PAPPA: variants seen among roughly 807,000 people sequenced by gnomAD.
The protein encoded by PAPPA is pappalysin 1, also known as pappalysin-1.
In PAPPA, 60 loss-of-function variants were observed where a neutral mutation model predicts 164.0. That is an observed-to-expected ratio of 0.37 (90% confidence interval 0.30 to 0.45). The LOEUF (loss-of-function observed/expected upper bound fraction) is 0.45, where lower values mean the gene tolerates loss of function less well. Among genes scored for constraint, PAPPA ranks in the 20% least tolerant of loss-of-function variants. The pLI is 1.00. For synonymous variants in PAPPA, 875 were observed against 814.1 expected, an observed-to-expected ratio of 1.07 and a Z score of -1.27; for missense variants, 1,782 against 2,087.3, an observed-to-expected ratio of 0.85 and a Z score of 2.85.
chr9:116,283,059 C>G (rs1458729714), intron 9 of PAPPA, among the ~76,000 whole-genome samples: 1 of 152,180 alleles, frequency 6.6e-6, no homozygotes, highest in African/African-American at 2.4e-5. Flanking sequence ...GCCTGTCACT[C>G]TGCCCTCATG....
intron 9 of PAPPA, among the ~76,000 whole-genome samples, chr9:116,281,270 G>T (rs937298309): frequency 2.6e-5 from 4 of 152,096 alleles, no homozygotes; most frequent in Non-Finnish European, 4.4e-5. Flanking sequence ...GCGGGTAAAA[G>T]TATAGCCAGT....
chr9:116,312,288 C>CTTTTTTTTTTTT (rs5900201), intron 10 of PAPPA, among the ~76,000 whole-genome samples: 287 of 129,450 alleles, frequency 2.2e-3, no homozygotes, highest in Non-Finnish European at 2.8e-3. Context: ...TTCTTTCTTT[C>CTTTTTTTTTTTT]TTTTTTTTTT....
At chr9:116,301,186 G>A (rs1845575430) in intron 9 of PAPPA, among the ~76,000 whole-genome samples, 1 of 152,090 alleles carries the variant, frequency 6.6e-6, no homozygotes. Context: ...GAGAAATTCA[G>A]ATTTTCCCAG....
At chr9:116,231,660 CGGATGGATGGATGGATGGAT>C (rs199915317) in intron 6 of PAPPA, among the ~76,000 whole-genome samples, 1,646 of 143,262 alleles carry the variant, frequency 0.011, 15 homozygotes, top group Non-Finnish European at 0.018. Context: ...AATGAATGGG[CGGATGGATGGATGGATGGAT>C]GGATGGATGG....
At chr9:116,390,081 ACTG>A (rs1846870902) in intron 21 of PAPPA, among the ~76,000 whole-genome samples, 1 of 152,144 alleles carries the variant, frequency 6.6e-6, no homozygotes, top group Non-Finnish European at 1.5e-5. Flanking sequence ...TGTGACAGAT[ACTG>A]TACTAGGCCA....
intron 6 of PAPPA, among the ~76,000 whole-genome samples, chr9:116,227,864 C>G (rs1213308333): frequency 6.6e-6 from 1 of 152,018 alleles, no homozygotes; most frequent in East Asian, 1.9e-4. Flanking sequence ...TCCTTCAGAC[C>G]CCAACTGCTT....
In PAPPA at chr9:116,211,621, C is replaced by A; in HGVS notation, c.1625-18C>A. 1 of 1,609,118 alleles carries A rather than the reference C, an allele frequency of 6.2e-7. No individual in the cohort carries two copies. The highest frequency in any genetic ancestry group is 8.5e-7 in the Non-Finnish European group (1 of 1,175,902). ...CAGAGTACCTAGTTTGCCTGATTCT[C>A]TGGATTTCCCCTTACAGGTGGCATT... On this transcript the variant is annotated intron_variant, in intron 3 of 21. Coordinates refer to ENST00000328252, the MANE Select transcript of PAPPA (RefSeq NM_002581.5).
chr9:116,230,571 A>G (rs1186362192), intron 6 of PAPPA, among the ~76,000 whole-genome samples: 1 of 152,192 alleles, frequency 6.6e-6, no homozygotes, highest in African/African-American at 2.4e-5. Flanking sequence ...TAGCTCTAAT[A>G]TTGCATGGAG....
Position 116,283,978 on chromosome 9 carries a change from G to C in PAPPA, c.2953+12562G>C, listed in dbSNP as rs542326303. Reference sequence around the variant, plus strand: ...ATACCTTTTTCCACCTGAGAAGTAGGAGTGATATTCCTGACTTCATATGAT... The same window carrying C: ...ATACCTTTTTCCACCTGAGAAGTAGCAGTGATATTCCTGACTTCATATGAT... On this transcript the variant is annotated intron_variant, in intron 9 of 21. Transcript: ENST00000328252. 9.0e-4 allele frequency among the ~76,000 whole-genome samples: 137 copies of C among 152,280 alleles called. 1 individual carries two copies. The highest frequency in any genetic ancestry group is 3.4e-3 in the Middle Eastern group (1 of 294).
intron 18 of PAPPA, 83 bp from the exon 19 acceptor site, chr9:116,367,562 G>A: frequency 1.0e-6 from 1 of 986,624 alleles, no homozygotes; most frequent in Admixed American, 2.0e-5. Context: ...CCAGGGAGTG[G>A]GAGGGCCCAC....
At chr9:116,212,911 G>A (rs1358770399) in intron 4 of PAPPA, among the ~76,000 whole-genome samples, 3 of 152,210 alleles carry the variant, frequency 2.0e-5, no homozygotes, top group Admixed American at 6.5e-5. Flanking sequence ...CACAACAAAT[G>A]TGTAGAGTCA....
At chr9:116,172,649 CT>C (rs1345446551) in intron 1 of PAPPA, among the ~76,000 whole-genome samples, 13 of 152,174 alleles carry the variant, frequency 8.5e-5, no homozygotes, top group African/African-American at 2.9e-4. Flanking sequence ...TTGTTTTCCC[CT>C]CTTGAGCTTA....
intron 10 of PAPPA, among the ~76,000 whole-genome samples, chr9:116,306,434 A>T (rs1845647500): frequency 6.6e-6 from 1 of 152,220 alleles, no homozygotes; most frequent in Non-Finnish European, 1.5e-5. Flanking sequence ...CATGATTCCC[A>T]AATTTGGTTA....
chr9:116,234,919 T>C (rs1215151643), intron 6 of PAPPA, among the ~76,000 whole-genome samples: 1 of 152,164 alleles, frequency 6.6e-6, no homozygotes, highest in African/African-American at 2.4e-5. Context: ...GCAGTTTGAC[T>C]GAATGTCTGG....
At chr9:116,292,765 A>C (rs1427127023) in intron 9 of PAPPA, among the ~76,000 whole-genome samples, 1 of 152,204 alleles carries the variant, frequency 6.6e-6, no homozygotes, top group Non-Finnish European at 1.5e-5. Context: ...TAGAGGTTTT[A>C]AAATTTTTAT....
chr9:116,376,298 C>T (rs549571527), intron 19 of PAPPA, among the ~76,000 whole-genome samples: 144 of 152,276 alleles, frequency 9.5e-4, no homozygotes, highest in Middle Eastern at 3.4e-3. Context: ...AGATTACAGG[C>T]GTGAGCCACC....
chr9:116,307,208 C>T (rs945127359), intron 10 of PAPPA, among the ~76,000 whole-genome samples: 2 of 152,140 alleles, frequency 1.3e-5, no homozygotes, highest in South Asian at 4.1e-4. Context: ...ACTTTATGTC[C>T]CATTAACCCA....
intron 9 of PAPPA, among the ~76,000 whole-genome samples, chr9:116,289,210 CATATATGTAGCAT>C (rs1194462957): frequency 0.22 from 1,124 of 5,020 alleles, 80 homozygotes; most frequent in Non-Finnish European, 0.35. Flanking sequence ...ATATATATAG[CATATATGTAGCAT>C]ATATATATAG....
rs766562445 is a variant in PAPPA at position 116,396,797 on chromosome 9, G to A, written c.*181G>A. ...CATTGGGGCGAATGAACCAAGTTTC[G>A]CCATGCTGGATGATGAAATGGATTC... On this transcript the variant is annotated 3_prime_UTR_variant, in exon 22 of 22. Coordinates refer to ENST00000328252, the MANE Select transcript of PAPPA (RefSeq NM_002581.5). 6.3e-5 allele frequency: 37 copies of A among 587,198 alleles called. No homozygotes were observed. The highest frequency in any genetic ancestry group is 8.6e-5 in the South Asian group (4 of 46,772). 36.4% of individuals were successfully genotyped at this position (587,198 alleles called of 1,614,324 possible).
Sources: gnomAD v4.1 joint callset for allele counts (sites outside exome capture counted in the v4.1 genomes callset) on GRCh38, gnomAD v4.1.1 for gene constraint, MANE v1.5 for transcripts, NCBI Gene and HGNC (gene_info 2026-07-23, HGNC 2026-07-21) for gene names.